The following FAT3 variants were observed in gnomAD, a reference collection of about 807,000 sequenced individuals.
FAT3 encodes FAT atypical cadherin 3.
Under a neutral mutation model 310.2 loss-of-function variants are expected in FAT3, and 95 were observed. The ratio of observed to expected loss-of-function variants is 0.31; its 90% CI spans 0.26 to 0.36. FAT3 has a LOEUF of 0.36. FAT3 is among the 10% of genes least tolerant of loss of function. The pLI, the probability that FAT3 is intolerant of heterozygous loss-of-function variation, is 1.00. For missense variants in FAT3, 5,408 were observed against 5,715.6 expected (o/e 0.95, Z 1.74); for synonymous variants, 2,314 against 2,192.9 (o/e 1.06, Z -1.54).
chr11:92,264,137 C>T (rs1184251192), intron 1 of FAT3, among the ~76,000 whole-genome samples: 3 of 152,080 alleles, frequency 2.0e-5, no homozygotes, highest in South Asian at 2.1e-4. Context: ...TTCAAGGTCT[C>T]ATTTTGTTGA....
chr11:92,671,282 T>A (rs1163661824), intron 3 of FAT3, among the ~76,000 whole-genome samples: 2 of 152,016 alleles, frequency 1.3e-5, no homozygotes, highest in South Asian at 4.2e-4. Flanking sequence ...TGGCCTCAAG[T>A]GAACCACCCA....
At chr11:92,275,581 C>T (rs1294929159) in intron 1 of FAT3, among the ~76,000 whole-genome samples, 1 of 152,002 alleles carries the variant, frequency 6.6e-6, no homozygotes, top group African/African-American at 2.4e-5. Flanking sequence ...CACCTATCTG[C>T]CCTTCAAAGT....
intron 1 of FAT3, among the ~76,000 whole-genome samples, chr11:92,298,192 T>C (rs959249426): frequency 8.5e-5 from 13 of 152,128 alleles, no homozygotes; most frequent in South Asian, 4.1e-4. Context: ...ATTTAGCTCT[T>C]TCAAAGGGAT....
intron 3 of FAT3, among the ~76,000 whole-genome samples, chr11:92,582,488 A>G (rs922450516): frequency 3.3e-5 from 5 of 152,002 alleles, no homozygotes; most frequent in Non-Finnish European, 7.4e-5. Context: ...TGAACCTCCT[A>G]TATTTTAATT....
At chr11:92,661,284 A>G (rs1359361809) in intron 3 of FAT3, among the ~76,000 whole-genome samples, 2 of 152,204 alleles carry the variant, frequency 1.3e-5, no homozygotes, top group Admixed American at 6.5e-5. Context: ...AAGGATACAC[A>G]GAAATATTCA....
intron 1 of FAT3, among the ~76,000 whole-genome samples, chr11:92,245,568 T>C (rs778606154): frequency 3.3e-5 from 5 of 152,150 alleles, no homozygotes; most frequent in South Asian, 2.1e-4. Context: ...GGAGCCATTA[T>C]GCAAGCTCTC....
At chr11:92,807,343 G>T (rs1456152138) in intron 12 of FAT3, among the ~76,000 whole-genome samples, 1 of 152,124 alleles carries the variant, frequency 6.6e-6, no homozygotes, top group South Asian at 2.1e-4. Flanking sequence ...ATCATTCTCT[G>T]TACCCCAAGA....
chr11:92,655,387 G>A (rs1233231191), intron 3 of FAT3, among the ~76,000 whole-genome samples: 2 of 152,224 alleles, frequency 1.3e-5, no homozygotes, highest in African/African-American at 2.4e-5. Context: ...CTGATTGAAT[G>A]AATTCAGGAA....
intron 3 of FAT3, among the ~76,000 whole-genome samples, chr11:92,598,232 T>TATA (rs1167646257): frequency 0.043 from 2,568 of 59,910 alleles, 58 homozygotes; most frequent in African/African-American, 0.12. Flanking sequence ...ATATATATAT[T>TATA]TTTTTTTTTT....
intron 13 of FAT3, among the ~76,000 whole-genome samples, chr11:92,814,068 T>G (rs981409051): frequency 2.0e-5 from 3 of 152,214 alleles, no homozygotes; most frequent in African/African-American, 7.2e-5. Context: ...CCATTTCAAA[T>G]AGAACGTGCC....
chr11:92,239,994 A>T (rs931109190), intron 1 of FAT3, among the ~76,000 whole-genome samples: 1 of 152,108 alleles, frequency 6.6e-6, no homozygotes, highest in Non-Finnish European at 1.5e-5. Context: ...CTGAGGTTCT[A>T]TCAGAATCAC....
Position 92,353,917 on chromosome 11 carries a change from C to T in FAT3, c.1805C>T (p.Ala602Val), listed in dbSNP as rs371718230. ...PVGGHITAVSAIDIDELELVK... is the reference protein window; with the variant it reads ...PVGGHITAVSVIDIDELELVK... Reference sequence around the variant, plus strand: ...GGTGGTCACATCACAGCAGTCTCAGCGATCGATATCGATGAACTTGAACTT... The same window carrying T: ...GGTGGTCACATCACAGCAGTCTCAGTGATCGATATCGATGAACTTGAACTT... The change falls in exon 2 of 28, where the codon GCG (alanine) becomes GTG (valine). Residue 602 changes from alanine to valine, a missense_variant. Ala to Val is a moderately conservative substitution (Grantham distance 64). Around this residue, in one of 5 missense-constraint regions of FAT3, gnomAD observed 4,588 missense variants for 4,809.8 expected, o/e 0.95. Transcript: ENST00000525166. The T allele has an allele frequency of 2.6e-5, 42 of 1,611,892 alleles. No individual in the cohort carries two copies. The highest frequency in any genetic ancestry group is 1.7e-4 in the Middle Eastern group (1 of 6,052).
intron 5 of FAT3, 128 bp downstream of exon 5, chr11:92,762,298 T>G: frequency 1.1e-6 from 1 of 926,176 alleles, no homozygotes; most frequent in South Asian, 1.9e-5. Flanking sequence ...GGAAGGGTTC[T>G]TTCTGGGAGG....
Position 92,761,884 on chromosome 11 carries a change from C to G in FAT3, c.3698C>G (p.Pro1233Arg). ...ACTGTGACAGATGGTGGTCCCTCTC[C>G]AAAACAGTCAACCATTTGGGTGGTG... ...EVTVTDGGPS[P>R]KQSTIWVVVQ... Residue 1233 changes from proline to arginine, a missense_variant, in exon 5 of 28, where the codon CCA (proline) becomes CGA (arginine). Pro to Arg is a moderately radical substitution (Grantham distance 103). Coordinates refer to ENST00000525166, the MANE Select transcript of FAT3 (RefSeq NM_001367949.2). The G allele has an allele frequency of 5.0e-6, 8 of 1,613,844 alleles. No homozygotes were observed. The highest frequency in any genetic ancestry group is 6.8e-6 in the Non-Finnish European group (8 of 1,179,828).
At chr11:92,387,276 C>T (rs922623535) in intron 2 of FAT3, among the ~76,000 whole-genome samples, 3 of 152,078 alleles carry the variant, frequency 2.0e-5, no homozygotes, top group African/African-American at 7.2e-5. Flanking sequence ...ATGGCTAGAG[C>T]TCTGAGCTGC....
At chr11:92,491,279 C>T (rs1485794774) in intron 2 of FAT3, among the ~76,000 whole-genome samples, 1 of 152,034 alleles carries the variant, frequency 6.6e-6, no homozygotes, top group African/African-American at 2.4e-5. Context: ...ATATCTGGAG[C>T]CATTTATTTG....
chr11:92,844,078 G>T lies in FAT3; in HGVS notation c.10711G>T (p.Gly3571Trp). ...MEDDFPGGVIGKIHATDQDMY... is the reference protein window; with the variant it reads ...MEDDFPGGVIWKIHATDQDMY... ...GGATGACTTTCCTGGTGGGGTCATT[G>T]GGAAGATTCATGCCACAGATCAAGA... Residue 3571 changes from glycine (G) to tryptophan (W), a missense_variant, in exon 19 of 28, where the codon GGG (glycine) becomes TGG (tryptophan). Gly to Trp is a radical substitution (Grantham distance 184, BLOSUM62 -2). Around this residue, in one of 5 missense-constraint regions of FAT3, gnomAD observed 4,588 missense variants for 4,809.8 expected, o/e 0.95. Transcript: ENST00000525166. The T allele has an allele frequency of 6.2e-7, 1 of 1,613,986 alleles. No individual in the cohort carries two copies. Among genetic ancestry groups the T allele is most frequent in the Non-Finnish European group, 8.5e-7 (1 of 1,179,892 alleles).
At chr11:92,857,710 C>T (rs895528247) in intron 20 of FAT3, among the ~76,000 whole-genome samples, 5 of 152,156 alleles carry the variant, frequency 3.3e-5, no homozygotes, top group African/African-American at 1.2e-4. Flanking sequence ...CAGGGTGCTG[C>T]ACAAATCCAC....
intron 2 of FAT3, among the ~76,000 whole-genome samples, chr11:92,512,960 A>ATCTCTGTTC (rs1248323287): frequency 1.1e-5 from 1 of 93,678 alleles, no homozygotes; most frequent in Non-Finnish European, 2.1e-5. Flanking sequence ...GTCTCTACTA[A>ATCTCTGTTC]AAATACAAAA....
Sources: gnomAD v4.1 joint callset for allele counts (sites outside exome capture counted in the v4.1 genomes callset) on GRCh38, gnomAD v4.1.1 for gene constraint, gnomAD v4.1.1 regional missense constraint, MANE v1.5 for transcripts, NCBI Gene and HGNC (gene_info 2026-07-23, HGNC 2026-07-21) for gene names.